The following AKR1C3 variants were observed in gnomAD, a reference collection of about 807,000 sequenced individuals.
The protein encoded by AKR1C3 is aldo-keto reductase family 1 member C3, also known as 3-alpha hydroxysteroid dehydrogenase, type II.
Under a neutral mutation model 43.6 loss-of-function variants are expected in AKR1C3, and 48 were observed. That is an observed-to-expected ratio of 1.10 (90% CI 0.87 to 1.40). The LOEUF is 1.40. Ranked by LOEUF, AKR1C3 falls within the 40% of genes most tolerant of loss-of-function variation. The probability of loss-of-function intolerance (pLI) is 0.00; values close to 1 mark genes in which losing one functional copy is unlikely to be tolerated. For synonymous variants in AKR1C3, 162 were observed against 139.6 expected (o/e 1.16, Z -1.13); for missense variants, 482 against 391.2 (o/e 1.23, Z -1.96).
At chr10:5,070,825 C>T (rs952704888) in intron 1 of AKR1C3, among the ~76,000 whole-genome samples, 1 of 152,186 alleles carries the variant, frequency 6.6e-6, no homozygotes, top group African/African-American at 2.4e-5. Context: ...GAGCTTCTAG[C>T]CTCCAGATCT....
At chr10:5,097,581 C>G in intron 3 of AKR1C3, 31 bp downstream of exon 3, 2 of 1,612,358 alleles carry the variant, frequency 1.2e-6, no homozygotes, top group East Asian at 2.2e-5. Context: ...TAAAATTGCG[C>G]TTCTGCTGTC....
At chr10:5,066,787 C>T (rs368168956) in intron 1 of AKR1C3, among the ~76,000 whole-genome samples, 114 of 152,334 alleles carry the variant, frequency 7.5e-4, no homozygotes, top group African/African-American at 2.2e-3. Flanking sequence ...CCAGCTGCAG[C>T]ATAGATACTT....
At chr10:5,065,408 G>A (rs1838480496) in intron 1 of AKR1C3, among the ~76,000 whole-genome samples, 1 of 152,150 alleles carries the variant, frequency 6.6e-6, no homozygotes, top group African/African-American at 2.4e-5. Flanking sequence ...CTCACAAAAT[G>A]TATATACCAC....
chr10:5,101,100 T>A (rs1839338029), intron 5 of AKR1C3, among the ~76,000 whole-genome samples: 1 of 152,196 alleles, frequency 6.6e-6, no homozygotes, highest in Non-Finnish European at 1.5e-5. Context: ...TATATTTGAA[T>A]TTCCCACTGT....
rs1021557739 is a variant in AKR1C3, at chr10:5,077,260, C to G, written c.85-19150C>G. Among the ~76,000 whole-genome samples the G allele has an allele frequency of 1.7e-4, 26 of 152,030 alleles. 1 individual carries two copies. The highest frequency in any genetic ancestry group is 2.6e-4 in the Non-Finnish European group (18 of 68,018). On this transcript the variant is annotated intron_variant, in intron 1 of 8. Coordinates refer to the AKR1C3 transcript ENST00000439082. ...CCCCACAAGCCCTGGGTATTTTTCT[C>G]TCATAGAGAGAAGAGGGTCTGTATG...
In AKR1C3 at chr10:5,096,333, A is replaced by G. The variant is rs1351745818; in HGVS notation, c.85-77A>G. 7.9e-6 allele frequency: 12 copies of G among 1,520,392 alleles called. No individual in the cohort carries two copies. In the African/African-American group the frequency reaches 1.7e-4, roughly 21 times the overall value. 94.2% of individuals were successfully genotyped at this position (1,520,392 alleles called of 1,614,324 possible). ...GACAGGAGGAAAAGCTGATTCTTGT[A>G]TAAAAGTCAATGCTTGTGCCTGAAC... On this transcript the variant is annotated intron_variant, in intron 1 of 8. Coordinates refer to ENST00000380554, the MANE Select transcript of AKR1C3 (RefSeq NM_003739.6).
chr10:5,106,241 C>A (rs1189809514), intron 8 of AKR1C3, among the ~76,000 whole-genome samples: 1 of 152,030 alleles, frequency 6.6e-6, no homozygotes, highest in East Asian at 1.9e-4. Context: ...GAAAGCCTTC[C>A]TTAGTGGAGT....
At chr10:5,060,141 G>A (rs1259971926) in intron 1 of AKR1C3, among the ~76,000 whole-genome samples, 1 of 152,166 alleles carries the variant, frequency 6.6e-6, no homozygotes, top group African/African-American at 2.4e-5. Flanking sequence ...GACCTTCATG[G>A]TGTTACAGCT....
Position 5,107,635 on chromosome 10 carries a change from C to T in AKR1C3, c.*132C>T, listed in dbSNP as rs1449234446. On this transcript the variant is annotated 3_prime_UTR_variant, in exon 9 of 9. Coordinates refer to ENST00000380554, the MANE Select transcript of AKR1C3 (RefSeq NM_003739.6). ...CCTGTTTAGCGACTTCAGTCAACTA[C>T]AGCTGAGTCCATAGGCCAGAAAGAC... is the stretch of plus-strand genomic sequence containing the variant. 8 of 648,596 alleles carry T rather than the reference C, an allele frequency of 1.2e-5. No individual in the cohort carries two copies. The highest frequency in any genetic ancestry group is 2.2e-5 in the Non-Finnish European group (8 of 368,824). 40.2% of individuals were successfully genotyped at this position (648,596 alleles called of 1,614,324 possible).
intron 1 of AKR1C3, among the ~76,000 whole-genome samples, chr10:5,073,357 C>G (rs1214469817): frequency 6.6e-6 from 1 of 152,062 alleles, no homozygotes; most frequent in African/African-American, 2.4e-5. Context: ...ACATTATTCT[C>G]CAATATAAAG....
intron 1 of AKR1C3, among the ~76,000 whole-genome samples, chr10:5,050,925 ATTAT>A (rs1309283788): frequency 1.1e-4 from 17 of 152,248 alleles, no homozygotes; most frequent in African/African-American, 3.9e-4. Context: ...CACACTCAAA[ATTAT>A]TTATTAGTGA....
intron 4 of AKR1C3, 104 bp from the exon 5 acceptor site, chr10:5,099,223 C>A: frequency 6.4e-7 from 1 of 1,553,670 alleles, no homozygotes; most frequent in South Asian, 1.2e-5. Flanking sequence ...TAGCTATTTT[C>A]ATTGTCATAC....
intron 1 of AKR1C3, among the ~76,000 whole-genome samples, chr10:5,084,445 T>A (rs1421725156): frequency 3.3e-5 from 5 of 151,308 alleles, no homozygotes; most frequent in Admixed American, 6.6e-5. Context: ...TATCTCTGTT[T>A]TGGTACCAGT....
At chr10:5,105,827 T>A in intron 8 of AKR1C3, 150 bp downstream of exon 8, 1 of 651,376 alleles carries the variant, frequency 1.5e-6, no homozygotes, top group Non-Finnish European at 2.7e-6. Context: ...ACTCCAGAGC[T>A]CTGTTCTCTG....
chr10:5,107,286 T>TCC (rs1839530854), intron 8 of AKR1C3, among the ~76,000 whole-genome samples, 175 bp from the exon 9 acceptor site: 1 of 152,228 alleles, frequency 6.6e-6, no homozygotes, highest in African/African-American at 2.4e-5. Flanking sequence ...TTGAATAATT[T>TCC]ATTATTTTGA....
chr10:5,052,123 G>C (rs1838165725), intron 1 of AKR1C3, among the ~76,000 whole-genome samples: 1 of 152,130 alleles, frequency 6.6e-6, no homozygotes, highest in Non-Finnish European at 1.5e-5. Flanking sequence ...ATTCCTTCTG[G>C]TGGGTGCATG....
Position 5,107,600 on chromosome 10 carries a change from T to G in AKR1C3, c.*97T>G. On this transcript the variant is annotated 3_prime_UTR_variant, in exon 9 of 9. Coordinates refer to ENST00000380554, the MANE Select transcript of AKR1C3 (RefSeq NM_003739.6). The stretch of plus-strand genomic sequence containing the variant: ...CGGTGACTGGACATATCACCTCTAC[T>G]TAAATCCGTCCTGTTTAGCGACTTC... The G allele has an allele frequency of 1.0e-6, 1 of 964,104 alleles. No homozygotes were observed. The allele number at this position is 964,104 out of a possible 1,614,324, so 59.7% of individuals were successfully genotyped here. A position where few individuals can be genotyped will look rare whatever the true frequency, so the allele number is the denominator to read the frequency against.
chr10:5,094,860 C>G (rs956958031), intron 1 of AKR1C3, among the ~76,000 whole-genome samples: 3 of 152,106 alleles, frequency 2.0e-5, no homozygotes, highest in South Asian at 2.1e-4. Context: ...AGTGATTTCT[C>G]TGTTTCTACA....
chr10:5,090,681 C>A (rs1564365956), upstream of AKR1C3, among the ~76,000 whole-genome samples: 1 of 152,044 alleles, frequency 6.6e-6, no homozygotes, highest in Non-Finnish European at 1.5e-5. Flanking sequence ...TGGGTCAGCC[C>A]AGTCTCAGGA....
Sources: gnomAD v4.1 joint callset for allele counts (sites outside exome capture counted in the v4.1 genomes callset) on GRCh38, gnomAD v4.1.1 for gene constraint, MANE v1.5 for transcripts, NCBI Gene and HGNC (gene_info 2026-07-23, HGNC 2026-07-21) for gene names.